ITGA9: variants seen among roughly 807,000 people sequenced by gnomAD.
ITGA9 encodes integrin subunit alpha 9.
ITGA9 carries 56 observed loss-of-function variants against 127.8 expected under a neutral mutation model. The observed-to-expected ratio is 0.44, with a 90% CI of 0.35 to 0.55. The LOEUF is 0.55. Among genes scored for constraint, ITGA9 ranks in the 20% least tolerant of loss-of-function variants. The probability of loss-of-function intolerance (pLI) is 0.00; values close to 1 mark genes in which losing one functional copy is unlikely to be tolerated. For synonymous variants in ITGA9, 508 were observed against 514.5 expected, an observed-to-expected ratio of 0.99 and a Z score of 0.17; for missense variants, 1,196 against 1,347.1, an observed-to-expected ratio of 0.89 and a Z score of 1.76.
At chr3:37,461,594 T>A (rs905645152) in intron 1 of ITGA9, among the ~76,000 whole-genome samples, 2 of 152,378 alleles carry the variant, frequency 1.3e-5, no homozygotes, top group African/African-American at 4.8e-5. Context: ...TTTTGTTGAT[T>A]CATTCATTTA....
At chr3:37,705,615 C>T (rs1004496345) in intron 18 of ITGA9, among the ~76,000 whole-genome samples, 3 of 152,200 alleles carry the variant, frequency 2.0e-5, no homozygotes, top group Admixed American at 2.0e-4. Context: ...GGGGTTACCA[C>T]GTGTATTCCG....
chr3:37,718,271 G>A (rs1048393998), intron 18 of ITGA9, among the ~76,000 whole-genome samples: 8 of 152,210 alleles, frequency 5.3e-5, no homozygotes, highest in African/African-American at 1.9e-4. Flanking sequence ...AACACTTGTT[G>A]AACGAGTAGA....
intron 18 of ITGA9, among the ~76,000 whole-genome samples, chr3:37,707,230 A>T: frequency 6.6e-6 from 1 of 152,238 alleles, no homozygotes; most frequent in South Asian, 2.1e-4. Flanking sequence ...TGCAATTCAC[A>T]TAAAAAATGT....
chr3:37,482,233 AG>A (rs750358470), intron 4 of ITGA9, among the ~76,000 whole-genome samples: 31 of 152,242 alleles, frequency 2.0e-4, no homozygotes, highest in South Asian at 4.1e-4. Context: ...CCTGCAGCCC[AG>A]GCAGATGCTG....
intron 22 of ITGA9, among the ~76,000 whole-genome samples, chr3:37,746,462 T>G (rs1237050822): frequency 2.6e-5 from 4 of 152,122 alleles, no homozygotes; most frequent in African/African-American, 9.7e-5. Context: ...TGGCCAAAAA[T>G]AATGCAGATA....
chr3:37,769,775 A>G (rs1696821336), intron 23 of ITGA9, among the ~76,000 whole-genome samples: 1 of 152,292 alleles, frequency 6.6e-6, no homozygotes, highest in East Asian at 1.9e-4. Context: ...TCTGGGTCAG[A>G]TATGAGAGGG....
At chr3:37,558,894 C>G (rs1699457091) in intron 15 of ITGA9, among the ~76,000 whole-genome samples, 1 of 152,206 alleles carries the variant, frequency 6.6e-6, no homozygotes. Context: ...TGCTAACCCT[C>G]CTCTCACCGT....
intron 18 of ITGA9, among the ~76,000 whole-genome samples, chr3:37,688,756 C>T (rs781176381): frequency 2.8e-4 from 43 of 152,260 alleles, no homozygotes; most frequent in African/African-American, 3.9e-4. Flanking sequence ...TTAGGGAGCC[C>T]GTGTGCAGGC....
At position 37,523,740 on chromosome 3, in the gene ITGA9, T is replaced by C; in HGVS notation, c.1327+129T>C. The stretch of plus-strand genomic sequence containing the variant: ...GGACAATTCACACAATAGAATAGGG[T>C]GTTTTGCCTGGTGTTCAATTTTAAG... On this transcript the variant is annotated intron_variant, in intron 12 of 27. Coordinates refer to ENST00000264741, the MANE Select transcript of ITGA9 (RefSeq NM_002207.3). The C allele has an allele frequency of 4.0e-6, 3 of 751,596 alleles. No individual in the cohort carries two copies. The South Asian group carries it at 4.4e-5, about 11-fold the overall frequency. 46.6% of individuals were successfully genotyped at this position (751,596 alleles called of 1,614,324 possible).
intron 15 of ITGA9, among the ~76,000 whole-genome samples, chr3:37,566,503 A>C (rs917082239): frequency 2.6e-5 from 4 of 152,226 alleles, no homozygotes; most frequent in African/African-American, 9.6e-5. Context: ...GGAAACTGTT[A>C]TTGGTTTAAT....
At chr3:37,554,403 A>G (rs565828569) in intron 15 of ITGA9, among the ~76,000 whole-genome samples, 3 of 151,830 alleles carry the variant, frequency 2.0e-5, no homozygotes, top group Non-Finnish European at 4.4e-5. Flanking sequence ...AGTGGCAGTG[A>G]TGGTTGTGAG....
intron 16 of ITGA9, among the ~76,000 whole-genome samples, chr3:37,648,172 C>T (rs1054700181): frequency 8.5e-5 from 13 of 152,102 alleles, no homozygotes; most frequent in Admixed American, 6.5e-4. Flanking sequence ...TTTCTCCATG[C>T]CCTCACTAAC....
At chr3:37,630,097 G>A (rs1035635365) in intron 16 of ITGA9, among the ~76,000 whole-genome samples, 2 of 152,200 alleles carry the variant, frequency 1.3e-5, no homozygotes, top group African/African-American at 4.8e-5. Flanking sequence ...GGCAGGGTTG[G>A]GGCAAAGCTG....
At chr3:37,659,673 T>C (rs922183934) in intron 17 of ITGA9, among the ~76,000 whole-genome samples, 6 of 152,146 alleles carry the variant, frequency 3.9e-5, no homozygotes, top group African/African-American at 1.4e-4. Flanking sequence ...TTCTGAAGCT[T>C]ACTTCTGTCA....
chr3:37,609,914 T>C (rs1337106199), intron 15 of ITGA9, among the ~76,000 whole-genome samples: 1 of 152,222 alleles, frequency 6.6e-6, no homozygotes. Flanking sequence ...AGCCAGTTCA[T>C]GTTGCAGAAG....
intron 7 of ITGA9, 42 bp downstream of exon 7, chr3:37,506,127 G>A: frequency 7.2e-7 from 1 of 1,395,212 alleles, no homozygotes. Context: ...TCAGACAGAA[G>A]AGGGGAGCAT....
In ITGA9 at chr3:37,452,496, A is replaced by T; in HGVS notation, c.122A>T (p.Gln41Leu). 1 of 1,513,774 alleles carries T rather than the reference A, an allele frequency of 6.6e-7. No homozygotes were observed. The highest frequency in any genetic ancestry group is 2.1e-5 in the Admixed American group (1 of 48,254). 93.8% of individuals were successfully genotyped at this position (1,513,774 alleles called of 1,614,324 possible). ...GACCCGCAGCGCCCCGTGCACTTCCAGGGCCCCGCTGACTCGTTCTTCGGC... is the reference window on the plus strand; with the variant it reads ...GACCCGCAGCGCCCCGTGCACTTCCTGGGCCCCGCTGACTCGTTCTTCGGC... The part of the protein sequence containing the change: ...NLDPQRPVHF[Q>L]GPADSFFGYA... The change falls in exon 1 of 28, where the codon CAG becomes CTG. Residue 41 changes from glutamine (Q) to leucine (L), a missense_variant. Physicochemically the swap from Gln to Leu is moderately radical, Grantham distance 113 (BLOSUM62 -2). Transcript: ENST00000264741. This position sits in a 1 kb window ranked among gnomAD's most constrained non-coding sequence, Gnocchi z 7.3.
chr3:37,705,809 G>A (rs1427707380), intron 18 of ITGA9, among the ~76,000 whole-genome samples: 1 of 152,204 alleles, frequency 6.6e-6, no homozygotes, highest in African/African-American at 2.4e-5. Flanking sequence ...CTGAGCATCT[G>A]AGCTTTTTTA....
chr3:37,585,985 C>A (rs1156266952), intron 15 of ITGA9, among the ~76,000 whole-genome samples: 1 of 152,222 alleles, frequency 6.6e-6, no homozygotes, highest in Non-Finnish European at 1.5e-5. Context: ...TTATGATTCT[C>A]ACGTTCTGGT....
Sources: allele counts gnomAD v4.1 joint callset (sites outside exome capture counted in the v4.1 genomes callset), GRCh38; gene constraint gnomAD v4.1.1; non-coding constraint Gnocchi (gnomAD v3.1); transcripts MANE v1.5; gene names NCBI Gene and HGNC (gene_info 2026-07-23, HGNC 2026-07-21).